Variants in ACTMAP observed in about 807,000 individuals in gnomAD.
The protein encoded by ACTMAP is UPF0692 protein C19orf54.
chr19:40,747,294 T>C, the ACTMAP span, among the ~76,000 whole-genome samples: 6 of 151,602 alleles, frequency 4.0e-5, no homozygotes, highest in Non-Finnish European at 8.8e-5. Flanking sequence ...CCCAGCACTT[T>C]GGGAGGCTGA....
chr19:40,747,438 C>T, the ACTMAP span, among the ~76,000 whole-genome samples: 245 of 151,742 alleles, frequency 1.6e-3, 1 homozygote, highest in African/African-American at 5.3e-3. Context: ...CTCAGGAGGC[C>T]GAGGCAGAAG....
At chr19:40,749,386 G>T in the ACTMAP span, 1 of 1,281,558 alleles carries the variant, frequency 7.8e-7, no homozygotes, top group Non-Finnish European at 1.1e-6. Context: ...CAGCCTGTTT[G>T]ATCTTGAGGA....
the ACTMAP span, chr19:40,749,792 TGGA>T: frequency 1.4e-6 from 2 of 1,456,476 alleles, no homozygotes; most frequent in Non-Finnish European, 1.8e-6. Context: ...GAGGAGAGCA[TGGA>T]GAAGTCATTT....
chr19:40,741,789 C>T, the ACTMAP span: 1 of 456,666 alleles, frequency 2.2e-6, no homozygotes, highest in South Asian at 1.5e-5. Context: ...CTAGCACCCC[C>T]CTTACAGGGT....
chr19:40,744,573 C>T, the ACTMAP span: 4 of 1,613,684 alleles, frequency 2.5e-6, no homozygotes, highest in East Asian at 2.2e-5. Context: ...GAACATCTCT[C>T]CCTGGGCCGT....
chr19:40,745,860 C>T, the ACTMAP span, among the ~76,000 whole-genome samples: 3 of 151,762 alleles, frequency 2.0e-5, no homozygotes, highest in Non-Finnish European at 4.4e-5. Context: ...TTAGTAGAAA[C>T]GGGGTTTCAC....
chr19:40,748,695 T>C, the ACTMAP span, among the ~76,000 whole-genome samples: 1 of 152,214 alleles, frequency 6.6e-6, no homozygotes, highest in Admixed American at 6.5e-5. Flanking sequence ...CACAGCCCCA[T>C]GTTTGCCACT....
chr19:40,740,992 G>A, the ACTMAP span: 1 of 398,694 alleles, frequency 2.5e-6, no homozygotes, highest in Non-Finnish European at 4.4e-6. Context: ...GCAGTCACTG[G>A]GCGGCTATTC....
chr19:40,749,805 T>C, the ACTMAP span: 9 of 1,451,998 alleles, frequency 6.2e-6, no homozygotes, highest in East Asian at 1.0e-4. Flanking sequence ...AGAAGTCATT[T>C]TGGGGTCTAC....
chr19:40,748,289 C>T, the ACTMAP span, among the ~76,000 whole-genome samples: 1 of 151,984 alleles, frequency 6.6e-6, no homozygotes, highest in Non-Finnish European at 1.5e-5. Flanking sequence ...CATGACAAAC[C>T]CTGTCTCTAC....
the ACTMAP span, chr19:40,741,145 G>T: frequency 2.5e-6 from 1 of 399,504 alleles, no homozygotes; most frequent in South Asian, 1.3e-4. Flanking sequence ...TCACTGGTTA[G>T]AAATACTGCA....
At chr19:40,743,842 G>C in the ACTMAP span, 1 of 1,579,714 alleles carries the variant, frequency 6.3e-7, no homozygotes, top group African/African-American at 1.4e-5. Context: ...AGAATGTCAG[G>C]AGGATTAATG....
At chr19:40,744,635 G>A in the ACTMAP span, 33 of 1,613,524 alleles carry the variant, frequency 2.0e-5, no homozygotes, top group African/African-American at 3.9e-4. Flanking sequence ...GGACGCCACT[G>A]GGGGGCGACA....
the ACTMAP span, chr19:40,744,080 G>C: frequency 5.0e-6 from 8 of 1,613,936 alleles, no homozygotes; most frequent in Non-Finnish European, 6.8e-6. Context: ...ATGAGCAGGG[G>C]ATGTCCAGTG....
the ACTMAP span, chr19:40,743,770 A>G: frequency 9.1e-7 from 1 of 1,104,626 alleles, no homozygotes; most frequent in Non-Finnish European, 1.3e-6. Context: ...CCTGGGGCCC[A>G]GCCTGCCCGG....
chr19:40,746,682 G>C, the ACTMAP span, among the ~76,000 whole-genome samples: 1 of 151,684 alleles, frequency 6.6e-6, no homozygotes, highest in Non-Finnish European at 1.5e-5. Flanking sequence ...GCCCTTTTTT[G>C]TATTTTTAGT....
chr19:40,742,679 G>A, the ACTMAP span: 6 of 1,613,184 alleles, frequency 3.7e-6, no homozygotes, highest in Non-Finnish European at 5.1e-6. Flanking sequence ...GTGGTTGGCA[G>A]GGCGTGCCCA....
At chr19:40,747,722 C>T in the ACTMAP span, among the ~76,000 whole-genome samples, 5 of 151,882 alleles carry the variant, frequency 3.3e-5, no homozygotes, top group African/African-American at 4.8e-5. Context: ...AAAAACTAGC[C>T]GGGCATGGTG....
At chr19:40,746,611 G>A in the ACTMAP span, among the ~76,000 whole-genome samples, 7 of 152,164 alleles carry the variant, frequency 4.6e-5, no homozygotes, top group East Asian at 1.2e-3. Flanking sequence ...TCCTGACTTC[G>A]TGATTTGCCC....
Sources: allele counts gnomAD v4.1 joint callset (sites outside exome capture counted in the v4.1 genomes callset), GRCh38; gene constraint gnomAD v4.1.1; transcripts MANE v1.5; gene names NCBI Gene and HGNC (gene_info 2026-07-23, HGNC 2026-07-21).